IQGAP1: variants seen among roughly 807,000 people sequenced by gnomAD.
IQGAP1 encodes the protein ras GTPase-activating-like protein IQGAP1.
Under a neutral mutation model 215.6 loss-of-function variants are expected in IQGAP1, and 66 were observed. The ratio of observed to expected loss-of-function variants is 0.31; its 90% CI spans 0.25 to 0.38. IQGAP1 has a LOEUF of 0.38. Among genes scored for constraint, IQGAP1 ranks in the 10% least tolerant of loss-of-function variants. The pLI is 1.00. For missense variants in IQGAP1, 1,712 were observed against 1,997.1 expected (o/e 0.86, Z 2.72); for synonymous variants, 772 against 728.7 (o/e 1.06, Z -0.96).
intron 15 of IQGAP1, among the ~76,000 whole-genome samples, chr15:90,464,313 G>A (rs1385817531): frequency 6.6e-6 from 1 of 152,100 alleles, no homozygotes; most frequent in African/African-American, 2.4e-5. Context: ...GATGCTCTCT[G>A]TAAAGACCTT....
In IQGAP1 at chr15:90,441,499, T is replaced by G. The variant is rs1437621954; in HGVS notation, c.650-7T>G. The G allele has an allele frequency of 8.1e-6, 13 of 1,598,370 alleles. No homozygotes were observed. Among genetic ancestry groups the G allele is most frequent in the African/African-American group, 1.4e-5 (1 of 73,368 alleles). Reference sequence around the variant, plus strand: ...TTGTTGGTTTGTTTTTTTGTTTTTTTTTTTAGTACATGCTGCTGTTATTGC... The same window carrying G: ...TTGTTGGTTTGTTTTTTTGTTTTTTGTTTTAGTACATGCTGCTGTTATTGC... On this transcript the variant is annotated splice_region_variant and splice_polypyrimidine_tract_variant and intron_variant, in intron 7 of 37. Coordinates refer to ENST00000268182, the MANE Select transcript of IQGAP1 (RefSeq NM_003870.4).
intron 15 of IQGAP1, among the ~76,000 whole-genome samples, chr15:90,463,505 C>G (rs1461019107): frequency 6.6e-6 from 1 of 152,168 alleles, no homozygotes; most frequent in African/African-American, 2.4e-5. Context: ...TGTCACAAGC[C>G]TGCAGCTGAC....
intron 4 of IQGAP1, among the ~76,000 whole-genome samples, chr15:90,432,819 C>T (rs939947443): frequency 9.2e-5 from 14 of 152,120 alleles, no homozygotes; most frequent in African/African-American, 3.4e-4. Flanking sequence ...TCTTTTGCTT[C>T]TCCGAACCAC....
chr15:90,400,717 G>A (rs1207109111), intron 2 of IQGAP1, among the ~76,000 whole-genome samples: 3 of 152,170 alleles, frequency 2.0e-5, no homozygotes, highest in South Asian at 2.1e-4. Context: ...ACAGGTCAGA[G>A]CAACTGTTTT....
chr15:90,417,832 T>C (rs1965075212), intron 2 of IQGAP1, among the ~76,000 whole-genome samples: 1 of 152,230 alleles, frequency 6.6e-6, no homozygotes, highest in Non-Finnish European at 1.5e-5. Flanking sequence ...ATATTGATTC[T>C]TCCTATCCAT....
At chr15:90,465,674 TTTGTTTGTTTGTTTG>T (rs1965821008) in intron 15 of IQGAP1, among the ~76,000 whole-genome samples, 3 of 142,170 alleles carry the variant, frequency 2.1e-5, no homozygotes, top group Admixed American at 6.8e-5. Flanking sequence ...CCAAGCTATG[TTTGTTTGTTTGTTTG>T]TTTGTTTGTT....
rs921026289 is a variant in IQGAP1 at position 90,451,979 on chromosome 15, G to A, written c.1163-796G>A. ...TGAGGAGCTGGGATTACAGGCACGT[G>A]CCACCACACCTAGCTCATTTTTGCA... On this transcript the variant is annotated intron_variant, in intron 11 of 37. Coordinates refer to ENST00000268182, the MANE Select transcript of IQGAP1 (RefSeq NM_003870.4). Among the ~76,000 whole-genome samples the A allele has an allele frequency of 8.5e-5, 13 of 152,234 alleles. No homozygotes were observed. In the East Asian group the frequency reaches 1.4e-3, roughly 16 times the overall value.
intron 8 of IQGAP1, among the ~76,000 whole-genome samples, chr15:90,443,126 TA>T (rs1252489568): frequency 2.6e-5 from 4 of 152,016 alleles, no homozygotes; most frequent in Admixed American, 2.6e-4. Context: ...ATTGGGCTAA[TA>T]AAAAAAAGTT....
chr15:90,442,616 C>T (rs150808826), intron 8 of IQGAP1, among the ~76,000 whole-genome samples: 1 of 152,276 alleles, frequency 6.6e-6, no homozygotes, highest in East Asian at 1.9e-4. Flanking sequence ...CAAGTAGCTG[C>T]TGCCCTGCCT....
rs1965626945 is a variant in IQGAP1 at position 90,452,971 on chromosome 15, A to G, written c.1326+33A>G. On this transcript the variant is annotated intron_variant, in intron 12 of 37. Transcript: ENST00000268182. ...CACTAAACCTGTCCTGTTTGTGAGC[A>G]AAGTTGGGTGGACGTGAGTGTAATA... 3 of 1,610,094 alleles carry G rather than the reference A, an allele frequency of 1.9e-6. No individual in the cohort carries two copies. The African/African-American group carries it at 4.0e-5, about 22-fold the overall frequency.
At chr15:90,397,246 A>T (rs1964735292) in intron 2 of IQGAP1, among the ~76,000 whole-genome samples, 1 of 152,244 alleles carries the variant, frequency 6.6e-6, no homozygotes. Flanking sequence ...TTCTCATAGT[A>T]CGAATAATTA....
chr15:90,422,795 A>C (rs1222572146), intron 2 of IQGAP1, among the ~76,000 whole-genome samples: 2 of 151,558 alleles, frequency 1.3e-5, no homozygotes. Context: ...TCCTGGGCTC[A>C]AACGGTCCTC....
At position 90,452,955 on chromosome 15, in the gene IQGAP1, T is replaced by G; in HGVS notation, c.1326+17T>G. ...AGTCCTGAAGTGAGTTCACTAAACC[T>G]GTCCTGTTTGTGAGCAAAGTTGGGT... is the stretch of plus-strand genomic sequence containing the variant. On this transcript the variant is annotated intron_variant, in intron 12 of 37. Transcript: ENST00000268182. 1 of 1,612,016 alleles carries G rather than the reference T, an allele frequency of 6.2e-7. No individual in the cohort carries two copies. The highest frequency in any genetic ancestry group is 1.1e-5 in the South Asian group (1 of 90,964).
At chr15:90,479,294 C>G (rs1192139777) in intron 26 of IQGAP1, among the ~76,000 whole-genome samples, 2 of 151,998 alleles carry the variant, frequency 1.3e-5, no homozygotes, top group Non-Finnish European at 2.9e-5. Flanking sequence ...GACTCATTGT[C>G]TTTATCTTGT....
intron 2 of IQGAP1, among the ~76,000 whole-genome samples, chr15:90,393,254 G>C (rs1018809062): frequency 2.6e-5 from 4 of 152,026 alleles, no homozygotes; most frequent in African/African-American, 9.7e-5. Flanking sequence ...ATCCACAGTT[G>C]CTCAACTTCC....
At position 90,429,579 on chromosome 15, in the gene IQGAP1, T is replaced by G. The variant is rs1434145453; in HGVS notation, c.313-10T>G. 1 of 1,575,742 alleles carries G rather than the reference T, an allele frequency of 6.3e-7. No individual in the cohort carries two copies. The highest frequency in any genetic ancestry group is 8.6e-7 in the Non-Finnish European group (1 of 1,167,276). On this transcript the variant is annotated splice_polypyrimidine_tract_variant and intron_variant, in intron 3 of 37. Transcript: ENST00000268182. Reference sequence around the variant, plus strand: ...AGCCAATAATACCTAATTTTCTTTTTTTTTTCTAGGCGACTGGCCTCCACT... The same window carrying G: ...AGCCAATAATACCTAATTTTCTTTTGTTTTTCTAGGCGACTGGCCTCCACT...
intron 5 of IQGAP1, among the ~76,000 whole-genome samples, chr15:90,435,028 TAATACTGATCTATAAGAAG>T (rs1183353840): frequency 6.6e-6 from 1 of 152,210 alleles, no homozygotes; most frequent in Non-Finnish European, 1.5e-5. Flanking sequence ...AGTAGGTATA[TAATACTGATCTATAAGAAG>T]ACTATTGTCT....
chr15:90,457,274 C>T (rs1303801399), intron 15 of IQGAP1, among the ~76,000 whole-genome samples: 1 of 152,014 alleles, frequency 6.6e-6, no homozygotes, highest in African/African-American at 2.4e-5. Context: ...GCTTCTGTTG[C>T]CCTAAATAAT....
intron 31 of IQGAP1, 90 bp downstream of exon 31, chr15:90,486,222 C>A: frequency 1.3e-6 from 1 of 770,186 alleles, no homozygotes; most frequent in Non-Finnish European, 2.2e-6. Flanking sequence ...TGCACTATAC[C>A]AAACTCTGGA....
Sources: allele counts gnomAD v4.1 joint callset (sites outside exome capture counted in the v4.1 genomes callset), GRCh38; gene constraint gnomAD v4.1.1; transcripts MANE v1.5; gene names NCBI Gene and HGNC (gene_info 2026-07-23, HGNC 2026-07-21).